TNIK: variants seen among roughly 807,000 people sequenced by gnomAD.
TNIK encodes the protein TRAF2 and NCK interacting kinase, also known as TRAF2 and NCK-interacting protein kinase.
TNIK carries 49 observed loss-of-function variants against 191.3 expected under a neutral mutation model. The observed-to-expected ratio is 0.26, with a 90% CI of 0.20 to 0.32. The LOEUF is 0.32. TNIK is among the 10% of genes least tolerant of loss of function. The pLI is 1.00. For synonymous variants in TNIK, 594 were observed against 600.9 expected (o/e 0.99, Z 0.17); for missense variants, 1,155 against 1,702.3 (o/e 0.68, Z 5.66).
At chr3:171,389,139 G>T (rs185511976) in intron 1 of TNIK, among the ~76,000 whole-genome samples, 7 of 152,060 alleles carry the variant, frequency 4.6e-5, no homozygotes, top group Non-Finnish European at 1.0e-4. Flanking sequence ...GTCAGGATTT[G>T]CCCAATCTCC....
intron 1 of TNIK, among the ~76,000 whole-genome samples, chr3:171,413,508 G>C (rs1420365071): frequency 6.6e-6 from 1 of 152,120 alleles, no homozygotes; most frequent in East Asian, 1.9e-4. Context: ...GATCCTCTCA[G>C]CATCACCCAC....
intron 18 of TNIK, among the ~76,000 whole-genome samples, chr3:171,115,566 T>A (rs904153428): frequency 6.6e-6 from 1 of 152,224 alleles, no homozygotes; most frequent in Admixed American, 6.5e-5. Flanking sequence ...CTGGGTGTTG[T>A]AGCAGGAAGG....
At chr3:171,120,914 C>T (rs530469597) in intron 18 of TNIK, among the ~76,000 whole-genome samples, 1 of 152,278 alleles carries the variant, frequency 6.6e-6, no homozygotes, top group Admixed American at 6.5e-5. Flanking sequence ...TATATTACGA[C>T]CCCTGCGCCC....
At chr3:171,138,996 A>G (rs186397113) in intron 14 of TNIK, among the ~76,000 whole-genome samples, 100 of 152,342 alleles carry the variant, frequency 6.6e-4, no homozygotes, top group African/African-American at 2.3e-3. Flanking sequence ...TGCATGAGCA[A>G]GGGACACAAA....
chr3:171,175,126 T>C, intron 9 of TNIK, 126 bp downstream of exon 9: 1 of 910,992 alleles, frequency 1.1e-6, no homozygotes, highest in Non-Finnish European at 1.7e-6. Context: ...TGGAAAGTAA[T>C]TCACCAAGTC....
At chr3:171,183,660 C>T (rs1215895151) in intron 7 of TNIK, among the ~76,000 whole-genome samples, 1 of 152,066 alleles carries the variant, frequency 6.6e-6, no homozygotes, top group East Asian at 1.9e-4. Flanking sequence ...CAGTGGCTCA[C>T]GCTTGTAATC....
intron 2 of TNIK, among the ~76,000 whole-genome samples, chr3:171,274,500 G>T (rs1282816107): frequency 1.3e-5 from 2 of 152,122 alleles, no homozygotes; most frequent in African/African-American, 4.8e-5. Context: ...CAAGCCAGGA[G>T]GGGGAAGTTA....
intron 13 of TNIK, among the ~76,000 whole-genome samples, chr3:171,139,899 A>T (rs1398034225): frequency 6.6e-6 from 1 of 152,216 alleles, no homozygotes; most frequent in East Asian, 1.9e-4. Flanking sequence ...TAAAGTTCAG[A>T]GGCTCCTGTG....
At position 171,364,058 on chromosome 3, in the gene TNIK, T is replaced by C. The variant is rs553580190; in HGVS notation, c.123+5562A>G. 2.6e-5 allele frequency among the ~76,000 whole-genome samples: 4 copies of C among 152,334 alleles called. No individual in the cohort carries two copies. The South Asian group carries it at 8.3e-4, about 32-fold the overall frequency. On this transcript the variant is annotated intron_variant, in intron 2 of 32. Transcript: ENST00000436636. ...CCTATAACAGGATAACATACAATCA[T>C]TTTTGCAGTTTCTGGAGGTGCGGTC...
At position 171,351,536 on chromosome 3, in the gene TNIK, G is replaced by C. The variant is rs1056158332; in HGVS notation, c.123+18084C>G. The stretch of plus-strand genomic sequence containing the variant: ...AGAATTCATTTATTCTCATGTTCTT[G>C]TTCTTTTTCTCATTTTAATATGAAA... On this transcript the variant is annotated intron_variant, in intron 2 of 32. Coordinates refer to ENST00000436636, the MANE Select transcript of TNIK (RefSeq NM_015028.4). 2.6e-5 allele frequency among the ~76,000 whole-genome samples: 4 copies of C among 152,206 alleles called. No individual in the cohort carries two copies. The East Asian group carries it at 7.7e-4, about 29-fold the overall frequency.
intron 1 of TNIK, among the ~76,000 whole-genome samples, chr3:171,392,697 T>G (rs1030213336): frequency 6.8e-6 from 1 of 146,386 alleles, no homozygotes; most frequent in African/African-American, 2.5e-5. Flanking sequence ...GAGAATCACT[T>G]GAACCCAGAA....
At chr3:171,101,367 A>G (rs1440235095) in intron 22 of TNIK, 82 bp downstream of exon 22, 1 of 1,459,574 alleles carries the variant, frequency 6.9e-7, no homozygotes, top group Non-Finnish European at 9.2e-7. Flanking sequence ...ATACAATCTT[A>G]CATTTAACTC....
At chr3:171,252,221 T>C (rs1408119956) in intron 2 of TNIK, among the ~76,000 whole-genome samples, 1 of 152,220 alleles carries the variant, frequency 6.6e-6, no homozygotes, top group African/African-American at 2.4e-5. Flanking sequence ...TTTACCTATG[T>C]TCACCAGTTA....
chr3:171,265,228 A>T (rs1560342820), intron 2 of TNIK, among the ~76,000 whole-genome samples: 1 of 152,248 alleles, frequency 6.6e-6, no homozygotes, highest in Non-Finnish European at 1.5e-5. Flanking sequence ...ATCCAAGAAA[A>T]TTGGCACAGC....
At chr3:171,369,173 G>A (rs1716150797) in intron 2 of TNIK, among the ~76,000 whole-genome samples, 1 of 152,014 alleles carries the variant, frequency 6.6e-6, no homozygotes, top group African/African-American at 2.4e-5. Context: ...TGCTTTGTGA[G>A]GTAACCCAGT....
At chr3:171,114,104 A>G (rs1237227986) in intron 18 of TNIK, among the ~76,000 whole-genome samples, 1 of 151,440 alleles carries the variant, frequency 6.6e-6, no homozygotes, top group African/African-American at 2.4e-5. Flanking sequence ...TGTTAGATTT[A>G]CACAATGCTG....
At chr3:171,144,571 C>A (rs1560176587) in intron 12 of TNIK, among the ~76,000 whole-genome samples, 2 of 152,080 alleles carry the variant, frequency 1.3e-5, no homozygotes. Flanking sequence ...ATGTAATGAT[C>A]AAGTCAGTGT....
chr3:171,232,432 T>G (rs1228682077), intron 2 of TNIK, among the ~76,000 whole-genome samples: 1 of 152,036 alleles, frequency 6.6e-6, no homozygotes, highest in Non-Finnish European at 1.5e-5. Flanking sequence ...TTTAAAAAAA[T>G]TCTCCATGAA....
At chr3:171,275,305 A>G (rs60282161) in intron 2 of TNIK, among the ~76,000 whole-genome samples, 6,561 of 152,304 alleles carry the variant, frequency 0.043, 422 homozygotes, top group African/African-American at 0.15. Flanking sequence ...CATGGTTACC[A>G]GTTATATGAA....
Sources: allele counts gnomAD v4.1 joint callset (sites outside exome capture counted in the v4.1 genomes callset), GRCh38; gene constraint gnomAD v4.1.1; transcripts MANE v1.5; gene names NCBI Gene and HGNC (gene_info 2026-07-23, HGNC 2026-07-21).